SLAIN2: variants seen among roughly 807,000 people sequenced by gnomAD.
The protein encoded by SLAIN2 is SLAIN family member 2, also known as SLAIN motif-containing protein 2.
Under a neutral mutation model 56.6 loss-of-function variants are expected in SLAIN2, and 31 were observed. The ratio of observed to expected loss-of-function variants is 0.55; its 90% confidence interval spans 0.41 to 0.74. The LOEUF is 0.74. Among genes scored for constraint, SLAIN2 ranks in the 30% least tolerant of loss-of-function variants. SLAIN2 has a pLI of 0.00. For missense variants in SLAIN2, 777 were observed against 754.2 expected, an observed-to-expected ratio of 1.03 and a Z score of -0.35; for synonymous variants, 317 against 284.9, an observed-to-expected ratio of 1.11 and a Z score of -1.13.
intron 1 of SLAIN2, among the ~76,000 whole-genome samples, chr4:48,360,826 G>C (rs1448235360): frequency 6.6e-6 from 1 of 152,034 alleles, no homozygotes; most frequent in South Asian, 2.1e-4. Flanking sequence ...TCTCAGATTT[G>C]CCTATTCTAG....
At chr4:48,364,733 C>T (rs1715461089) in intron 1 of SLAIN2, among the ~76,000 whole-genome samples, 2 of 137,524 alleles carry the variant, frequency 1.5e-5, no homozygotes. Flanking sequence ...GGCGTGGCGG[C>T]GCGTGCCTGC....
chr4:48,361,891 A>G (rs1177390221), intron 1 of SLAIN2, among the ~76,000 whole-genome samples: 2 of 152,106 alleles, frequency 1.3e-5, no homozygotes, highest in Non-Finnish European at 2.9e-5. Context: ...TCATGTGTTA[A>G]ATTTATTCCT....
chr4:48,423,062 A>C lies in SLAIN2; in HGVS notation c.*985A>C, dbSNP rs921769766. The C allele has an allele frequency of 6.6e-6, 1 of 152,166 alleles. No individual in the cohort carries two copies. Among genetic ancestry groups the C allele is most frequent in the African/African-American group, 2.4e-5 (1 of 41,440 alleles). 9.4% of individuals were successfully genotyped at this position (152,166 alleles called of 1,614,324 possible). On this transcript the variant is annotated 3_prime_UTR_variant, in exon 8 of 8. Transcript: ENST00000264313. The stretch of plus-strand genomic sequence containing the variant: ...ATACCATGAGAGAGAGGGGGAAAAA[A>C]ATCTATGCACTTAACCTACAAAATC...
chr4:48,363,723 G>C (rs1346634265), intron 1 of SLAIN2, among the ~76,000 whole-genome samples: 2 of 112,170 alleles, frequency 1.8e-5, no homozygotes, highest in African/African-American at 6.1e-5. Flanking sequence ...CCTCCCAGAC[G>C]GGGCGGCTGG....
At chr4:48,355,016 G>A (rs115468122) in intron 1 of SLAIN2, among the ~76,000 whole-genome samples, 1,600 of 152,026 alleles carry the variant, frequency 0.011, 17 homozygotes, top group African/African-American at 0.036. Context: ...TCTCCTGCAG[G>A]GATTACAGGC....
Position 48,341,588 on chromosome 4 carries a change from G to C in SLAIN2, c.-152G>C. The C allele has an allele frequency of 8.1e-7, 1 of 1,229,544 alleles. No homozygotes were observed. Among genetic ancestry groups the C allele is most frequent in the Non-Finnish European group, 1.1e-6 (1 of 940,334 alleles). The allele number at this position is 1,229,544 out of a possible 1,614,324, so 76.2% of individuals were successfully genotyped here. On this transcript the variant is annotated 5_prime_UTR_variant, in exon 1 of 8. Transcript: ENST00000264313. ...TGGGGCCAGCGGCGCTTTGGAACCC[G>C]AGGTGGGGGGACCCTGGCGGTGGGG...
chr4:48,354,985 C>T (rs1452246717), intron 1 of SLAIN2, among the ~76,000 whole-genome samples: 8 of 151,924 alleles, frequency 5.3e-5, no homozygotes, highest in African/African-American at 1.7e-4. Flanking sequence ...CTGCAACCTC[C>T]GCCTCCCGAT....
Position 48,412,398 on chromosome 4 carries a change from ACACACACACAC to A in SLAIN2, c.1361-7726_1361-7716del, listed in dbSNP as rs1560465822. ...CACACACACACACACACACACACAC[ACACACACACAC>A]ACACACATTCCCTCTCTCTCTCTCT... is the stretch of plus-strand genomic sequence containing the variant. On this transcript the variant is annotated intron_variant, in intron 6 of 7. Transcript: ENST00000264313. Among the ~76,000 whole-genome samples the A allele has an allele frequency of 2.9e-3, 168 of 57,682 alleles. 6 individuals are homozygous for A. The highest frequency in any genetic ancestry group is 7.6e-3 in the African/African-American group (144 of 18,878). The allele number at this position is 57,682 out of a possible 152,430, so 37.8% of individuals were successfully genotyped here.
At position 48,394,518 on chromosome 4, in the gene SLAIN2, G is replaced by A. The variant is rs1352929576; in HGVS notation, c.1360+10734G>A. On this transcript the variant is annotated intron_variant, in intron 6 of 7. Transcript: ENST00000264313. ...TATTAAAACATTCAAGTTTACAGAC[G>A]CTGTAGCCTTTGTCTTGTACTTCCA... is the stretch of plus-strand genomic sequence containing the variant. The A allele has an allele frequency of 4.6e-6, 6 of 1,302,034 alleles. No individual in the cohort carries two copies. In the East Asian group the frequency reaches 7.6e-5, roughly 16 times the overall value. 80.7% of individuals were successfully genotyped at this position (1,302,034 alleles called of 1,614,324 possible).
At chr4:48,403,131 G>A (rs1210314964) in intron 6 of SLAIN2, among the ~76,000 whole-genome samples, 8 of 152,192 alleles carry the variant, frequency 5.3e-5, no homozygotes, top group East Asian at 1.9e-4. Flanking sequence ...ATGCTGGCCC[G>A]AACTCTCCTT....
At chr4:48,362,567 T>C (rs1346981237) in intron 1 of SLAIN2, among the ~76,000 whole-genome samples, 1 of 150,528 alleles carries the variant, frequency 6.6e-6, no homozygotes. Flanking sequence ...TACAGGCACG[T>C]GCTACCATGC....
In SLAIN2 at chr4:48,341,656, C is replaced by T; in HGVS notation, c.-84C>T. 1 of 1,476,306 alleles carries T rather than the reference C, an allele frequency of 6.8e-7. No homozygotes were observed. The highest frequency in any genetic ancestry group is 9.0e-7 in the Non-Finnish European group (1 of 1,113,240). 91.5% of individuals were successfully genotyped at this position (1,476,306 alleles called of 1,614,324 possible). A position where few individuals can be genotyped will look rare whatever the true frequency, so the allele number is the denominator to read the frequency against. On this transcript the variant is annotated 5_prime_UTR_variant, in exon 1 of 8. Coordinates refer to ENST00000264313, the MANE Select transcript of SLAIN2 (RefSeq NM_020846.2). ...CCGGCGCCTCGGCTAGAGTGAGCGGCGGCGACGCCTCTTTCCTCCGTCTCT... is the reference window on the plus strand; with the variant it reads ...CCGGCGCCTCGGCTAGAGTGAGCGGTGGCGACGCCTCTTTCCTCCGTCTCT...
intron 6 of SLAIN2, among the ~76,000 whole-genome samples, chr4:48,397,437 A>G (rs925764124): frequency 6.6e-6 from 1 of 152,220 alleles, no homozygotes; most frequent in Non-Finnish European, 1.5e-5. Flanking sequence ...TCTTTTCACT[A>G]TATTTTGAGA....
chr4:48,420,175 C>G lies in SLAIN2; in HGVS notation c.1411C>G (p.Leu471Val). ...RSPAAPSPLA[L>V]RQPVKAFSNH... Reference sequence around the variant, plus strand: ...CCCTGCAGCACCATCTCCTTTGGCTCTTCGGCAACCAGTGAAAGCATTTAG... The same window carrying G: ...CCCTGCAGCACCATCTCCTTTGGCTGTTCGGCAACCAGTGAAAGCATTTAG... Residue 471 changes from leucine to valine, a missense_variant, in exon 7 of 8, where the codon CTT becomes GTT. Transcript: ENST00000264313. 6.2e-7 allele frequency: 1 copy of G among 1,613,970 alleles called. No individual in the cohort carries two copies. The highest frequency in any genetic ancestry group is 8.5e-7 in the Non-Finnish European group (1 of 1,179,874).
At chr4:48,354,626 T>C (rs1289911722) in intron 1 of SLAIN2, among the ~76,000 whole-genome samples, 2 of 151,730 alleles carry the variant, frequency 1.3e-5, no homozygotes, top group Admixed American at 1.3e-4. Context: ...ACCACCACAT[T>C]CAGCTAATTT....
intron 1 of SLAIN2, among the ~76,000 whole-genome samples, chr4:48,366,949 T>G (rs1448983595): frequency 6.6e-6 from 1 of 152,214 alleles, no homozygotes; most frequent in African/African-American, 2.4e-5. Context: ...ATTTAAGAAA[T>G]TCTAAAGTGT....
At chr4:48,370,301 T>G (rs1171725584) in intron 2 of SLAIN2, among the ~76,000 whole-genome samples, 1 of 152,190 alleles carries the variant, frequency 6.6e-6, no homozygotes, top group Non-Finnish European at 1.5e-5. Context: ...ATATAAAATG[T>G]CTGGTATTGT....
chr4:48,416,652 T>A (rs1014669920), intron 6 of SLAIN2, among the ~76,000 whole-genome samples: 1 of 151,748 alleles, frequency 6.6e-6, no homozygotes, highest in African/African-American at 2.4e-5. Flanking sequence ...TTTCAAACTA[T>A]CTCTCAGACC....
At chr4:48,391,296 G>GT (rs1050814462) in intron 6 of SLAIN2, among the ~76,000 whole-genome samples, 29 of 152,302 alleles carry the variant, frequency 1.9e-4, no homozygotes, top group Non-Finnish European at 3.5e-4. Flanking sequence ...GAATCCACCT[G>GT]TATCAGGGGA....
Sources: gnomAD v4.1 joint callset for allele counts (sites outside exome capture counted in the v4.1 genomes callset) on GRCh38, gnomAD v4.1.1 for gene constraint, MANE v1.5 for transcripts, NCBI Gene and HGNC (gene_info 2026-07-23, HGNC 2026-07-21) for gene names.